The following CSGALNACT1 variants were observed in gnomAD, a reference collection of about 807,000 sequenced individuals.
CSGALNACT1 encodes the protein chondroitin sulfate N-acetylgalactosaminyltransferase 1, also known as beta4GalNAcT-1.
Under a neutral mutation model 51.0 loss-of-function variants are expected in CSGALNACT1, and 52 were observed. That is an observed-to-expected ratio of 1.02 (90% confidence interval 0.82 to 1.29). The LOEUF (loss-of-function observed/expected upper bound fraction) is 1.29. Ranked by LOEUF, CSGALNACT1 falls within the 50% of genes most tolerant of loss-of-function variation. CSGALNACT1 has a pLI of 0.00. For synonymous variants in CSGALNACT1, 341 were observed against 254.4 expected (o/e 1.34, Z -3.24); for missense variants, 935 against 679.2 (o/e 1.38, Z -4.19).
chr8:19,505,793 C>A lies in CSGALNACT1; in HGVS notation c.42G>T (p.Arg14=), dbSNP rs112760034. Reference sequence around the variant, plus strand: ...AGAGGAGCACCAGCAAAACCACCACCCGGGAAATCCACGCAAGCAGCCCCC... The same window carrying A: ...AGAGGAGCACCAGCAAAACCACCACACGGGAAATCCACGCAAGCAGCCCCC... The change falls in exon 4 of 10, where the codon CGG becomes CGT. Residue 14 remains arginine (R), a synonymous_variant. Coordinates refer to ENST00000454498, the Ensembl canonical transcript of CSGALNACT1. 44 of 1,613,750 alleles carry A rather than the reference C, an allele frequency of 2.7e-5. No homozygotes were observed. The African/African-American group carries it at 4.9e-4, about 18-fold the overall frequency.
intron 5 of CSGALNACT1, among the ~76,000 whole-genome samples, chr8:19,453,424 A>T (rs1399439996): frequency 6.6e-6 from 1 of 152,210 alleles, no homozygotes; most frequent in Non-Finnish European, 1.5e-5. Flanking sequence ...AAAAGCAGAT[A>T]AAAGACTAAG....
chr8:19,451,823 C>A (rs752601038), intron 5 of CSGALNACT1, among the ~76,000 whole-genome samples: 4 of 152,186 alleles, frequency 2.6e-5, no homozygotes, highest in Non-Finnish European at 5.9e-5. Context: ...TGATAATAAT[C>A]CGCATAGAAC....
At chr8:19,618,596 C>A (rs1401139064) in intron 1 of CSGALNACT1, among the ~76,000 whole-genome samples, 3 of 120,518 alleles carry the variant, frequency 2.5e-5, no homozygotes, top group Non-Finnish European at 3.2e-5. Context: ...CATGCCACTA[C>A]ACTGTAGCCT....
chr8:19,607,356 G>A (rs539653931), upstream of CSGALNACT1, among the ~76,000 whole-genome samples: 18 of 152,246 alleles, frequency 1.2e-4, no homozygotes, highest in Admixed American at 1.1e-3. Flanking sequence ...GAGAGGATCC[G>A]CATTATAACT....
At chr8:19,580,435 A>T (rs1460527531) in intron 3 of CSGALNACT1, among the ~76,000 whole-genome samples, 2 of 152,250 alleles carry the variant, frequency 1.3e-5, no homozygotes, top group African/African-American at 2.4e-5. Flanking sequence ...CTTTCTGCTG[A>T]GACTCTCAAT....
intron 3 of CSGALNACT1, among the ~76,000 whole-genome samples, chr8:19,531,221 G>A (rs1380096733): frequency 6.6e-6 from 1 of 152,152 alleles, no homozygotes; most frequent in Non-Finnish European, 1.5e-5. Context: ...TTATTTTAGA[G>A]TTGGAAACAT....
chr8:19,726,056 C>A (rs2063383196), intron 1 of CSGALNACT1, among the ~76,000 whole-genome samples: 1 of 152,088 alleles, frequency 6.6e-6, no homozygotes, highest in South Asian at 2.1e-4. Context: ...AATTTTTTTG[C>A]AAAGTCTCTG....
chr8:19,418,912 T>C (rs952675428), intron 7 of CSGALNACT1, among the ~76,000 whole-genome samples, 162 bp from the exon 7 acceptor site: 1 of 152,142 alleles, frequency 6.6e-6, no homozygotes, highest in African/African-American at 2.4e-5. Context: ...AGTGGCACAA[T>C]CTTGGCTCAT....
chr8:19,411,207 C>T (rs763754317), intron 8 of CSGALNACT1, among the ~76,000 whole-genome samples: 5 of 152,180 alleles, frequency 3.3e-5, no homozygotes, highest in Non-Finnish European at 7.3e-5. Flanking sequence ...CCTCCTGGCC[C>T]ATGTTATGCA....
At position 19,425,531 on chromosome 8, in the gene CSGALNACT1, T is replaced by C. The variant is rs142484152; in HGVS notation, c.954-5013A>G. On this transcript the variant is annotated intron_variant, in intron 6 of 9. Transcript: ENST00000454498. Reference sequence around the variant, plus strand: ...CGATTTTTTCCTCTGTTCCCTCTTTTTGCATGTAAAACAGAGAATTACTGA... The same window carrying C: ...CGATTTTTTCCTCTGTTCCCTCTTTCTGCATGTAAAACAGAGAATTACTGA... 8.5e-4 allele frequency among the ~76,000 whole-genome samples: 129 copies of C among 152,302 alleles called. 2 individuals carry two copies. Among genetic ancestry groups the C allele is most frequent in the African/African-American group, 3.0e-3 (125 of 41,570 alleles).
intron 5 of CSGALNACT1, among the ~76,000 whole-genome samples, chr8:19,452,127 C>A (rs900463036): frequency 3.3e-5 from 5 of 152,124 alleles, no homozygotes; most frequent in African/African-American, 4.8e-5. Flanking sequence ...AGAGTGGAGA[C>A]CAAGGAAAGA....
intron 1 of CSGALNACT1, among the ~76,000 whole-genome samples, chr8:19,620,976 A>G (rs2053750260): frequency 6.6e-6 from 1 of 152,188 alleles, no homozygotes; most frequent in South Asian, 2.1e-4. Flanking sequence ...TGCATTCTGA[A>G]AAAATAGAAA....
chr8:19,516,359 T>G (rs896135307), intron 3 of CSGALNACT1, among the ~76,000 whole-genome samples: 13 of 152,150 alleles, frequency 8.5e-5, no homozygotes, highest in Non-Finnish European at 1.6e-4. Flanking sequence ...CCCACTACGC[T>G]ATACTGTTCA....
chr8:19,473,216 G>A (rs913406973), intron 4 of CSGALNACT1, among the ~76,000 whole-genome samples: 1 of 152,124 alleles, frequency 6.6e-6, no homozygotes, highest in Non-Finnish European at 1.5e-5. Flanking sequence ...TGTAATATTC[G>A]GGTCAAGGCA....
At chr8:19,751,011 C>A (rs1488143528) in intron 1 of CSGALNACT1, among the ~76,000 whole-genome samples, 2 of 152,018 alleles carry the variant, frequency 1.3e-5, no homozygotes, top group Non-Finnish European at 2.9e-5. Context: ...TGAAGCAGAC[C>A]CTCTGATAAA....
At chr8:19,536,766 C>T (rs572220432) in intron 3 of CSGALNACT1, among the ~76,000 whole-genome samples, 112 of 152,282 alleles carry the variant, frequency 7.4e-4, no homozygotes, top group Non-Finnish European at 1.5e-3. Flanking sequence ...AATTATTATA[C>T]AGCTACAGCA....
intron 1 of CSGALNACT1, among the ~76,000 whole-genome samples, chr8:19,691,878 C>T (rs2061343016): frequency 6.7e-6 from 1 of 149,820 alleles, no homozygotes; most frequent in African/African-American, 2.4e-5. Context: ...CCCAGACCTA[C>T]TGTATTGCAC....
At chr8:19,626,879 C>G (rs941471205) in intron 1 of CSGALNACT1, among the ~76,000 whole-genome samples, 2 of 151,994 alleles carry the variant, frequency 1.3e-5, no homozygotes, top group South Asian at 4.1e-4. Flanking sequence ...ATTAGAATGG[C>G]AAGAATAAAA....
intron 1 of CSGALNACT1, among the ~76,000 whole-genome samples, chr8:19,754,755 C>T (rs2065250822): frequency 6.6e-6 from 1 of 152,156 alleles, no homozygotes; most frequent in Non-Finnish European, 1.5e-5. Flanking sequence ...TCTTTGCTAC[C>T]TTAAAGGACA....
Sources: gnomAD v4.1 joint callset for allele counts (sites outside exome capture counted in the v4.1 genomes callset) on GRCh38, gnomAD v4.1.1 for gene constraint, MANE v1.5 for transcripts, NCBI Gene and HGNC (gene_info 2026-07-23, HGNC 2026-07-21) for gene names.